GPR160: variants seen among roughly 807,000 people sequenced by gnomAD.
GPR160 encodes G protein-coupled receptor 160, also known as probable G protein-coupled receptor 160.
Under a neutral mutation model 2.6 loss-of-function variants are expected in GPR160, and 2 were observed. The ratio of observed to expected loss-of-function variants is 0.77; its 90% CI spans 0.32 to 2.44. GPR160 has a LOEUF of 2.44. Among genes scored for constraint, GPR160 ranks in the 30% most tolerant of loss-of-function variants. GPR160 has a pLI of 0.11. For missense variants in GPR160, 351 were observed against 383.6 expected (o/e 0.91, Z 0.71); for synonymous variants, 130 against 132.2 (o/e 0.98, Z 0.12).
intron 2 of GPR160, among the ~76,000 whole-genome samples, chr3:170,061,277 A>G (rs1711938562): frequency 6.6e-6 from 1 of 150,702 alleles, no homozygotes; most frequent in African/African-American, 2.4e-5. Flanking sequence ...TCTGTCTCAA[A>G]AAAAAAAAAA....
chr3:170,070,197 A>G (rs907920644), intron 2 of GPR160, among the ~76,000 whole-genome samples: 1 of 152,150 alleles, frequency 6.6e-6, no homozygotes, highest in Non-Finnish European at 1.5e-5. Context: ...CACTTAGTTG[A>G]TATATCCTAA....
intron 2 of GPR160, among the ~76,000 whole-genome samples, chr3:170,047,560 A>T: frequency 1.3e-5 from 2 of 152,274 alleles, no homozygotes; most frequent in East Asian, 3.9e-4. Flanking sequence ...CTTTGATTAA[A>T]ATTTATCATT....
At chr3:170,078,760 C>T (rs750337786) in intron 2 of GPR160, among the ~76,000 whole-genome samples, 21 of 152,168 alleles carry the variant, frequency 1.4e-4, no homozygotes, top group Non-Finnish European at 2.1e-4. Flanking sequence ...AACTACTGCG[C>T]CTGTCAAACC....
chr3:170,038,464 A>T lies in GPR160; in HGVS notation c.-322+249A>T, dbSNP rs969958757. On this transcript the variant is annotated intron_variant, in intron 1 of 3. Transcript: ENST00000355897. This position sits in a 1 kb window ranked among gnomAD's most constrained non-coding sequence, Gnocchi z 5.3. ...ATGGGGATTACCGCGGAGCCTTAGC[A>T]ACTGGGGTCTGTCGTGGGTTTGAGG... The T allele has an allele frequency of 6.6e-6, 1 of 152,414 alleles. No homozygotes were observed. Among genetic ancestry groups the T allele is most frequent in the Non-Finnish European group, 1.5e-5 (1 of 68,226 alleles). 9.4% of individuals were successfully genotyped at this position (152,414 alleles called of 1,614,324 possible).
intron 2 of GPR160, among the ~76,000 whole-genome samples, chr3:170,075,710 C>G (rs919642167): frequency 2.0e-5 from 3 of 152,112 alleles, no homozygotes; most frequent in African/African-American, 7.2e-5. Flanking sequence ...CTGTAGGGAT[C>G]AAAGAACAAA....
chr3:170,066,641 TTAAAG>T (rs1272091344), intron 2 of GPR160, among the ~76,000 whole-genome samples: 3 of 152,190 alleles, frequency 2.0e-5, no homozygotes, highest in Admixed American at 6.5e-5. Context: ...ACATTTAAGT[TTAAAG>T]TAAGTTGTTT....
In GPR160 at chr3:170,071,710, C is replaced by T. The variant is rs149518452; in HGVS notation, c.-192-8064C>T. 4.9e-3 allele frequency among the ~76,000 whole-genome samples: 748 copies of T among 152,184 alleles called. 6 individuals are homozygous for T. The highest frequency in any genetic ancestry group is 0.017 in the African/African-American group (710 of 41,524). On this transcript the variant is annotated intron_variant, in intron 2 of 3. Coordinates refer to ENST00000355897, the MANE Select transcript of GPR160 (RefSeq NM_014373.3). ...ACTCGGGAGGCTGAGGTAGGAGAATCGCACAAACTCAGAAGGCAGAGATGG... is the reference window on the plus strand; with the variant it reads ...ACTCGGGAGGCTGAGGTAGGAGAATTGCACAAACTCAGAAGGCAGAGATGG...
At chr3:170,063,707 C>T (rs1712122816) in intron 2 of GPR160, among the ~76,000 whole-genome samples, 1 of 152,122 alleles carries the variant, frequency 6.6e-6, no homozygotes, top group South Asian at 2.1e-4. Context: ...AAGGCCTGGA[C>T]GGGATGGCTC....
chr3:170,042,956 A>G (rs1389068889), intron 2 of GPR160, among the ~76,000 whole-genome samples: 7 of 145,698 alleles, frequency 4.8e-5, no homozygotes, highest in Non-Finnish European at 7.4e-5. Context: ...ATCTCAGCTC[A>G]CTGCAAGCTC....
At chr3:170,073,210 T>C (rs553269126) in intron 2 of GPR160, among the ~76,000 whole-genome samples, 1 of 152,098 alleles carries the variant, frequency 6.6e-6, no homozygotes, top group East Asian at 1.9e-4. Context: ...GAAAAAATTA[T>C]TGCCTATTAT....
At chr3:170,044,430 C>A (rs1049694905) in intron 2 of GPR160, among the ~76,000 whole-genome samples, 5 of 151,848 alleles carry the variant, frequency 3.3e-5, no homozygotes, top group African/African-American at 9.7e-5. Flanking sequence ...CGAATACAAG[C>A]CGCGTTGTCA....
chr3:170,058,525 C>A (rs1005482115), intron 2 of GPR160, among the ~76,000 whole-genome samples: 1 of 152,176 alleles, frequency 6.6e-6, no homozygotes, highest in Non-Finnish European at 1.5e-5. Context: ...ACAGATTTCT[C>A]ATCAGCAATA....
At chr3:170,068,479 TC>T (rs1286923539) in intron 2 of GPR160, among the ~76,000 whole-genome samples, 9 of 152,172 alleles carry the variant, frequency 5.9e-5, no homozygotes, top group African/African-American at 1.9e-4. Flanking sequence ...CTTGAGTTCT[TC>T]CCCTCCAGTT....
intron 2 of GPR160, among the ~76,000 whole-genome samples, chr3:170,045,002 T>C (rs555092479): frequency 1.3e-5 from 2 of 152,338 alleles, no homozygotes; most frequent in South Asian, 4.1e-4. Context: ...TTCTCGCTTC[T>C]GTGAATAGCT....
intron 2 of GPR160, among the ~76,000 whole-genome samples, chr3:170,055,233 A>AG (rs1204108329): frequency 6.6e-6 from 1 of 152,222 alleles, no homozygotes; most frequent in African/African-American, 2.4e-5. Flanking sequence ...AAGCTGGCGT[A>AG]GGTCTGGGAT....
At position 170,084,630 on chromosome 3, in the gene GPR160, ACTAT is replaced by A. The variant is rs745603395; in HGVS notation, c.661_664del (p.Ile221TyrfsTer13). 1.2e-6 allele frequency: 2 copies of A among 1,611,118 alleles called. No homozygotes were observed. Among genetic ancestry groups the A allele is most frequent in the Non-Finnish European group, 1.7e-6 (2 of 1,177,558 alleles). ...CAGGATAACTTCCTATATGAATGAA[ACTAT>A]CTTATATTTTCCTTTTTCATCCCAC... On this transcript the variant is annotated frameshift_variant, in exon 4 of 4. Coordinates refer to ENST00000355897, the MANE Select transcript of GPR160 (RefSeq NM_014373.3). LOFTEE classifies it low-confidence loss of function (END_TRUNC).
At chr3:170,065,647 T>C (rs1293844407) in intron 2 of GPR160, among the ~76,000 whole-genome samples, 1 of 152,228 alleles carries the variant, frequency 6.6e-6, no homozygotes, top group Non-Finnish European at 1.5e-5. Context: ...TAATTGACCA[T>C]TTAGTTTGGT....
At chr3:170,066,481 C>G (rs1447035602) in intron 2 of GPR160, among the ~76,000 whole-genome samples, 2 of 152,068 alleles carry the variant, frequency 1.3e-5, no homozygotes, top group Non-Finnish European at 2.9e-5. Flanking sequence ...ATTTCTTGCT[C>G]TATTCTGTGT....
At chr3:170,064,514 CTTTTT>C (rs1175382810) in intron 2 of GPR160, among the ~76,000 whole-genome samples, 81 of 81,036 alleles carry the variant, frequency 1.0e-3, no homozygotes, top group East Asian at 4.2e-3. Context: ...CTTTTCTTTT[CTTTTT>C]TTTTTTTTTT....
Sources: allele counts gnomAD v4.1 joint callset (sites outside exome capture counted in the v4.1 genomes callset), GRCh38; gene constraint gnomAD v4.1.1; non-coding constraint Gnocchi (gnomAD v3.1); transcripts MANE v1.5; gene names NCBI Gene and HGNC (gene_info 2026-07-23, HGNC 2026-07-21).